Variants in RREB1 observed in about 807,000 individuals in gnomAD.
RREB1 encodes ras responsive element binding protein 1.
RREB1 carries 27 observed loss-of-function variants against 117.8 expected under a neutral mutation model. The ratio of observed to expected loss-of-function variants is 0.23; its 90% CI spans 0.17 to 0.32. RREB1 has a LOEUF of 0.32. RREB1 is among the 10% of genes least tolerant of loss of function. The pLI is 1.00. For synonymous variants in RREB1, 1,298 were observed against 1,026.7 expected (o/e 1.26, Z -5.05); for missense variants, 2,577 against 2,378.2 (o/e 1.08, Z -1.74).
chr6:7,111,688 A>G (rs1239762395), intron 1 of RREB1, among the ~76,000 whole-genome samples: 2 of 152,202 alleles, frequency 1.3e-5, no homozygotes, highest in South Asian at 2.1e-4. Flanking sequence ...TTATATTTAA[A>G]TAATCTCTTT....
At chr6:7,204,974 A>G (rs1021618219) in intron 6 of RREB1, among the ~76,000 whole-genome samples, 2 of 152,226 alleles carry the variant, frequency 1.3e-5, no homozygotes, top group East Asian at 1.9e-4. Flanking sequence ...AAATTTCCCA[A>G]CTTTTTGGTT....
At chr6:7,108,998 G>C (rs1164068572) in intron 1 of RREB1, among the ~76,000 whole-genome samples, 3 of 150,602 alleles carry the variant, frequency 2.0e-5, no homozygotes, top group African/African-American at 4.9e-5. Context: ...GGGAGCCCTC[G>C]GTGTGGAGCT....
At chr6:7,187,368 C>A in intron 4 of RREB1, 66 bp from the exon 5 acceptor site, 1 of 1,005,386 alleles carries the variant, frequency 9.9e-7, no homozygotes. Flanking sequence ...ACACTTATTA[C>A]AGAAAGAAAA....
chr6:7,243,769 C>G (rs1221222991), intron 11 of RREB1, among the ~76,000 whole-genome samples: 1 of 151,916 alleles, frequency 6.6e-6, no homozygotes, highest in African/African-American at 2.4e-5. Context: ...AGGAAGGGCC[C>G]GAGAGCAGGA....
chr6:7,202,986 C>T (rs897828065), intron 6 of RREB1, among the ~76,000 whole-genome samples: 1 of 151,906 alleles, frequency 6.6e-6, no homozygotes, highest in African/African-American at 2.4e-5. Context: ...GATATGGGGA[C>T]CAAATAACAT....
chr6:7,198,626 G>A (rs1473415708), intron 6 of RREB1, among the ~76,000 whole-genome samples: 3 of 152,078 alleles, frequency 2.0e-5, no homozygotes, highest in African/African-American at 7.2e-5. Flanking sequence ...ATATATGTTG[G>A]GCGTTTAGTG....
chr6:7,111,971 GA>G (rs1761169919), intron 1 of RREB1, among the ~76,000 whole-genome samples: 1 of 152,188 alleles, frequency 6.6e-6, no homozygotes, highest in Non-Finnish European at 1.5e-5. Context: ...AGTATCAGTA[GA>G]AAGTATGCAA....
At chr6:7,217,186 G>A (rs1204534737) in intron 8 of RREB1, 3 of 152,396 alleles carry the variant, frequency 2.0e-5, no homozygotes, top group Non-Finnish European at 4.4e-5. Context: ...GCTGAGGAGA[G>A]AAGAATGTGT....
chr6:7,194,958 T>C (rs1433486680), intron 6 of RREB1, among the ~76,000 whole-genome samples: 1 of 152,240 alleles, frequency 6.6e-6, no homozygotes, highest in Admixed American at 6.5e-5. Flanking sequence ...GTATTATCCG[T>C]ACCTACCGCA....
Position 7,182,002 on chromosome 6 carries a change from A to G in RREB1, c.91A>G (p.Thr31Ala), listed in dbSNP as rs1415174568. 1.2e-6 allele frequency: 2 copies of G among 1,614,110 alleles called. No individual in the cohort carries two copies. The highest frequency in any genetic ancestry group is 1.1e-5 in the South Asian group (1 of 91,074). The change falls in exon 4 of 13, where the codon ACA becomes GCA. Residue 31 changes from threonine (T) to alanine (A), a missense_variant. By Grantham distance (58) the Thr-to-Ala change is moderately conservative. Coordinates refer to ENST00000379938, the MANE Select transcript of RREB1 (RefSeq NM_001003699.4). ...MSAVMSVGKV[T>A]ENGGSPQGIK... The stretch of plus-strand genomic sequence containing the variant: ...GGCGGTCATGAGTGTAGGGAAGGTC[A>G]CAGAGAATGGCGGGAGCCCCCAGGG...
At chr6:7,246,069 G>A (rs1348182676) in intron 11 of RREB1, among the ~76,000 whole-genome samples, 1 of 152,196 alleles carries the variant, frequency 6.6e-6, no homozygotes, top group Non-Finnish European at 1.5e-5. Flanking sequence ...CCCTAGCGCT[G>A]CGAGTCTCTG....
At chr6:7,248,396 C>A in intron 12 of RREB1, 115 bp from the exon 13 acceptor site, 2 of 842,112 alleles carry the variant, frequency 2.4e-6, no homozygotes, top group African/African-American at 1.7e-5. Context: ...CTGAGTAGGA[C>A]GGAGTCCTGG....
rs2113218735 is a variant in RREB1, at chr6:7,250,711, C to T, written c.*1743C>T. ...CACAGAAACGTGCACGCCCCCTTTT[C>T]TCCGCCACTTCACCAGTTTCTGAAA... On this transcript the variant is annotated 3_prime_UTR_variant, in exon 13 of 13. Transcript: ENST00000379938. 6.6e-6 allele frequency: 1 copy of T among 152,276 alleles called. No individual in the cohort carries two copies. Among genetic ancestry groups the T allele is most frequent in the African/African-American group, 2.4e-5 (1 of 41,556 alleles). 9.4% of individuals were successfully genotyped at this position (152,276 alleles called of 1,614,324 possible). A position where few individuals can be genotyped will look rare whatever the true frequency, so the allele number is the denominator to read the frequency against.
chr6:7,201,724 A>G (rs1180009841), intron 6 of RREB1, among the ~76,000 whole-genome samples: 1 of 152,092 alleles, frequency 6.6e-6, no homozygotes, highest in Non-Finnish European at 1.5e-5. Flanking sequence ...TCAGTTGCAT[A>G]ATGGGTTCAT....
chr6:7,230,083 G>C lies in RREB1; in HGVS notation c.1984G>C (p.Val662Leu), dbSNP rs777379568. 6.2e-6 allele frequency: 10 copies of C among 1,601,966 alleles called. No homozygotes were observed. The highest frequency in any genetic ancestry group is 4.5e-5 in the East Asian group (2 of 44,618). The change falls in exon 10 of 13, where the codon GTG (valine) becomes CTG (leucine). Residue 662 changes from valine (V) to leucine (L), a missense_variant. Transcript: ENST00000379938. ...CTTCTCGGGGGTCTTGCGTGCCCACGTGCGCTCCCACCTGGGCATCTCGCC... is the reference window on the plus strand; with the variant it reads ...CTTCTCGGGGGTCTTGCGTGCCCACCTGCGCTCCCACCTGGGCATCTCGCC... ...FAFSGVLRAH[V>L]RSHLGISPYQ...
chr6:7,163,205 G>T (rs867021849), intron 1 of RREB1, among the ~76,000 whole-genome samples: 1 of 152,148 alleles, frequency 6.6e-6, no homozygotes, highest in Non-Finnish European at 1.5e-5. Flanking sequence ...CATATTTACC[G>T]TGGCCAGGTA....
At chr6:7,211,531 G>T in intron 7 of RREB1, 42 bp from the exon 8 acceptor site, 1 of 1,601,978 alleles carries the variant, frequency 6.2e-7, no homozygotes, top group Admixed American at 1.7e-5. Flanking sequence ...GCCATCCCAT[G>T]TGGGAGACCT....
At chr6:7,123,942 A>G (rs568266536) in intron 1 of RREB1, among the ~76,000 whole-genome samples, 1 of 152,184 alleles carries the variant, frequency 6.6e-6, no homozygotes, top group Admixed American at 6.5e-5. Flanking sequence ...TATCTGTGAT[A>G]TGTCCCTTCT....
At chr6:7,232,666 C>T (rs2113128976) in intron 10 of RREB1, among the ~76,000 whole-genome samples, 1 of 152,226 alleles carries the variant, frequency 6.6e-6, no homozygotes, top group South Asian at 2.1e-4. Context: ...TCAACCTGTC[C>T]ATCCCCAAGA....
Sources: allele counts gnomAD v4.1 joint callset (sites outside exome capture counted in the v4.1 genomes callset), GRCh38; gene constraint gnomAD v4.1.1; transcripts MANE v1.5; gene names NCBI Gene and HGNC (gene_info 2026-07-23, HGNC 2026-07-21).